Variants in ARB2A observed in about 807,000 individuals in gnomAD.
ARB2A encodes the protein ARB2 cotranscriptional regulator A, also known as cotranscriptional regulator ARB2A.
chr5:93,771,848 A>C, the ARB2A span, among the ~76,000 whole-genome samples: 1 of 152,224 alleles, frequency 6.6e-6, no homozygotes, highest in Admixed American at 6.5e-5. Flanking sequence ...ACACTTTTAC[A>C]CTGTTGTTGG....
At chr5:94,091,639 G>A in the ARB2A span, among the ~76,000 whole-genome samples, 3 of 152,112 alleles carry the variant, frequency 2.0e-5, no homozygotes, top group Admixed American at 6.5e-5. Flanking sequence ...TTGCCACACT[G>A]TTCCCATATA....
At chr5:93,764,506 T>C in the ARB2A span, among the ~76,000 whole-genome samples, 42 of 152,154 alleles carry the variant, frequency 2.8e-4, no homozygotes, top group Non-Finnish European at 4.9e-4. Context: ...CAGGAAGAAG[T>C]TGAATCTCTG....
At chr5:93,844,381 C>T in the ARB2A span, among the ~76,000 whole-genome samples, 2 of 151,750 alleles carry the variant, frequency 1.3e-5, no homozygotes, top group Non-Finnish European at 2.9e-5. Context: ...GAGGTGGAGG[C>T]TGCAGTGAGC....
At chr5:93,892,052 A>T in the ARB2A span, among the ~76,000 whole-genome samples, 4 of 152,142 alleles carry the variant, frequency 2.6e-5, no homozygotes, top group Non-Finnish European at 5.9e-5. Context: ...CCTTGCTTAC[A>T]TTACATCAAA....
the ARB2A span, among the ~76,000 whole-genome samples, chr5:93,673,005 C>A: frequency 9.1e-4 from 138 of 152,264 alleles, no homozygotes; most frequent in Middle Eastern, 6.8e-3. Context: ...AATGCCAACA[C>A]ACATGAAACA....
At chr5:93,979,217 A>G in the ARB2A span, among the ~76,000 whole-genome samples, 1 of 152,154 alleles carries the variant, frequency 6.6e-6, no homozygotes, top group South Asian at 2.1e-4. Flanking sequence ...GACCAATTGC[A>G]ATTGGTAGGA....
At chr5:93,861,180 A>G in the ARB2A span, 9 of 152,158 alleles carry the variant, frequency 5.9e-5, no homozygotes, top group South Asian at 1.9e-3. Flanking sequence ...TAGTCAAACC[A>G]TCTTCTCCTG....
the ARB2A span, among the ~76,000 whole-genome samples, chr5:93,656,671 A>G: frequency 1.1e-4 from 17 of 152,316 alleles, no homozygotes; most frequent in Non-Finnish European, 2.2e-4. Flanking sequence ...TTTTAAAAGA[A>G]ACAAAAAAGC....
At chr5:94,024,348 A>G in the ARB2A span, among the ~76,000 whole-genome samples, 1 of 152,182 alleles carries the variant, frequency 6.6e-6, no homozygotes, top group Non-Finnish European at 1.5e-5. Context: ...ACTGCAACTC[A>G]TTCCTGAGTC....
the ARB2A span, chr5:93,739,030 C>G: frequency 6.6e-6 from 1 of 152,188 alleles, no homozygotes; most frequent in Non-Finnish European, 1.5e-5. Flanking sequence ...TCACACCTGA[C>G]TTGTGTGACA....
At chr5:93,626,653 G>C in the ARB2A span, among the ~76,000 whole-genome samples, 1 of 152,114 alleles carries the variant, frequency 6.6e-6, no homozygotes, top group Non-Finnish European at 1.5e-5. Context: ...TGTCTAAAAA[G>C]ACATTGTAAG....
At chr5:93,832,062 C>T in the ARB2A span, among the ~76,000 whole-genome samples, 2 of 152,076 alleles carry the variant, frequency 1.3e-5, no homozygotes, top group Admixed American at 1.3e-4. Flanking sequence ...ACTTGATATC[C>T]ATTGACTAAA....
chr5:93,706,750 C>A, the ARB2A span, among the ~76,000 whole-genome samples: 1 of 151,866 alleles, frequency 6.6e-6, no homozygotes. Context: ...CCTACAGTCC[C>A]AGCTACTCGG....
the ARB2A span, among the ~76,000 whole-genome samples, chr5:93,663,644 C>G: frequency 7.2e-5 from 11 of 151,984 alleles, no homozygotes; most frequent in Non-Finnish European, 1.3e-4. Context: ...GATTGGGCGC[C>G]CTTCACATCT....
the ARB2A span, among the ~76,000 whole-genome samples, chr5:93,836,915 A>T: frequency 2.0e-5 from 3 of 152,210 alleles, no homozygotes; most frequent in Admixed American, 2.0e-4. Flanking sequence ...AGCTGGAGAT[A>T]CCTTGAGACT....
chr5:94,042,366 C>T, the ARB2A span, among the ~76,000 whole-genome samples: 10 of 137,822 alleles, frequency 7.3e-5, no homozygotes, highest in Admixed American at 1.7e-4. Flanking sequence ...GTAGCCCAGG[C>T]GCGACCTCAG....
the ARB2A span, among the ~76,000 whole-genome samples, chr5:93,779,136 C>CGT: frequency 6.7e-6 from 1 of 148,718 alleles, no homozygotes; most frequent in African/African-American, 2.6e-5. Flanking sequence ...CGCGCGCGCG[C>CGT]GCACGTGCAG....
the ARB2A span, among the ~76,000 whole-genome samples, chr5:93,767,164 A>G: frequency 6.6e-6 from 1 of 152,200 alleles, no homozygotes; most frequent in African/African-American, 2.4e-5. Flanking sequence ...CGTTGTGCAC[A>G]TGTACCTTAA....
the ARB2A span, among the ~76,000 whole-genome samples, chr5:93,852,363 C>G: frequency 5.5e-4 from 84 of 152,210 alleles, no homozygotes; most frequent in Non-Finnish European, 1.1e-3. Context: ...AGCCCTTTGT[C>G]AGATGAGTAG....
Sources: allele counts gnomAD v4.1 joint callset (sites outside exome capture counted in the v4.1 genomes callset), GRCh38; gene constraint gnomAD v4.1.1; transcripts MANE v1.5; gene names NCBI Gene and HGNC (gene_info 2026-07-23, HGNC 2026-07-21).